The following SLC4A8 variants were observed in gnomAD, a reference collection of about 807,000 sequenced individuals.
SLC4A8 encodes the protein solute carrier family 4 member 8, also known as electroneutral sodium bicarbonate exchanger 1.
In SLC4A8, 40 loss-of-function variants were observed where a neutral mutation model predicts 125.0. The observed-to-expected ratio is 0.32, with a 90% CI of 0.25 to 0.42. The LOEUF (loss-of-function observed/expected upper bound fraction) is 0.42. Among genes scored for constraint, SLC4A8 ranks in the 10% least tolerant of loss-of-function variants. The probability of loss-of-function intolerance (pLI) is 1.00; values close to 1 mark genes in which losing one functional copy is unlikely to be tolerated. For missense variants in SLC4A8, 863 were observed against 1,355.1 expected (o/e 0.64, Z 5.70); for synonymous variants, 456 against 476.0 (o/e 0.96, Z 0.55).
intron 2 of SLC4A8, among the ~76,000 whole-genome samples, chr12:51,449,301 G>T (rs1407704496): frequency 6.6e-6 from 1 of 152,096 alleles, no homozygotes; most frequent in Admixed American, 6.6e-5. Flanking sequence ...AGCTGGGCGT[G>T]GTGGTACACG....
At chr12:51,460,435 A>G (rs1006561470) in intron 8 of SLC4A8, among the ~76,000 whole-genome samples, 4 of 152,178 alleles carry the variant, frequency 2.6e-5, no homozygotes, top group African/African-American at 4.8e-5. Context: ...AAATTGAGGT[A>G]TATTTGATTA....
chr12:51,488,692 C>G lies in SLC4A8; in HGVS notation c.2287-7C>G, dbSNP rs1455712077. ...AAAATACAAAAATAATATATTTTCC[C>G]CCTTAGCCAACAAGGGATGATCGCG... On this transcript the variant is annotated splice_polypyrimidine_tract_variant and splice_region_variant and intron_variant, in intron 17 of 24. Transcript: ENST00000453097. The G allele has an allele frequency of 6.2e-7, 1 of 1,610,986 alleles. No homozygotes were observed. The highest frequency in any genetic ancestry group is 2.2e-5 in the East Asian group (1 of 44,852).
intron 1 of SLC4A8, among the ~76,000 whole-genome samples, chr12:51,413,643 G>C (rs1592148120): frequency 6.6e-6 from 1 of 152,206 alleles, no homozygotes; most frequent in South Asian, 2.1e-4. Flanking sequence ...TGGATAGCCA[G>C]TTTTCCCAGC....
At chr12:51,439,292 G>C (rs1487866212) in intron 1 of SLC4A8, among the ~76,000 whole-genome samples, 1 of 152,150 alleles carries the variant, frequency 6.6e-6, no homozygotes, top group Non-Finnish European at 1.5e-5. Flanking sequence ...CCTGACCTCA[G>C]GTGATCACCT....
Position 51,497,035 on chromosome 12 carries a change from A to G in SLC4A8, c.2992A>G (p.Lys998Glu). 1 of 1,614,006 alleles carries G rather than the reference A, an allele frequency of 6.2e-7. No individual in the cohort carries two copies. Among genetic ancestry groups the G allele is most frequent in the Admixed American group, 1.7e-5 (1 of 60,016 alleles). Residue 998 changes from lysine to glutamate, a missense_variant, in exon 22 of 25, where the codon AAG (lysine) becomes GAG (glutamate). Lys to Glu is a moderately conservative substitution (Grantham distance 56, BLOSUM62 1). Coordinates refer to ENST00000453097, the MANE Select transcript of SLC4A8 (RefSeq NM_001039960.3). ...GAAAGTCATGGATCTCTGTTTCTCT[A>G]AGCGAGAGCTGAGCTGGCTAGATGA... ...VRKVMDLCFS[K>E]RELSWLDDLM... is the part of the protein sequence containing the mutation.
intron 1 of SLC4A8, among the ~76,000 whole-genome samples, chr12:51,411,946 C>G (rs896277691): frequency 1.3e-5 from 2 of 152,128 alleles, no homozygotes; most frequent in East Asian, 3.9e-4. Context: ...CCTGTGGTTC[C>G]AGCTACTCGG....
At position 51,506,004 on chromosome 12, in the gene SLC4A8, G is replaced by A. The variant is rs374948327; in HGVS notation, c.3269+74G>A. Reference sequence around the variant, plus strand: ...AATGGCGATATTGAAGGTAAAATGTGTTTTAGTTGTAAAATGGAATTTGTG... The same window carrying A: ...AATGGCGATATTGAAGGTAAAATGTATTTTAGTTGTAAAATGGAATTTGTG... On this transcript the variant is annotated intron_variant, in intron 24 of 24. Coordinates refer to ENST00000453097, the MANE Select transcript of SLC4A8 (RefSeq NM_001039960.3). 153 of 710,836 alleles carry A rather than the reference G, an allele frequency of 2.2e-4. 1 individual carries two copies. The East Asian group carries it at 2.3e-3, about 11-fold the overall frequency. The allele number at this position is 710,836 out of a possible 1,614,324, so 44.0% of individuals were successfully genotyped here.
chr12:51,432,415 A>AAG (rs1208062254), intron 1 of SLC4A8, among the ~76,000 whole-genome samples: 13 of 141,510 alleles, frequency 9.2e-5, no homozygotes, highest in African/African-American at 3.2e-4. Flanking sequence ...CGCCTCAAAA[A>AAG]AAAAAAAAAA....
chr12:51,436,909 G>A (rs1300977555), intron 1 of SLC4A8, among the ~76,000 whole-genome samples: 1 of 152,186 alleles, frequency 6.6e-6, no homozygotes, highest in East Asian at 1.9e-4. Context: ...TTATAGGCAT[G>A]AGCCACTGCA....
chr12:51,420,848 CTA>C (rs891500115), upstream of SLC4A8, among the ~76,000 whole-genome samples: 7 of 152,192 alleles, frequency 4.6e-5, no homozygotes, highest in African/African-American at 1.7e-4. Context: ...AGCTCACAGT[CTA>C]GTGTCTCCAT....
intron 1 of SLC4A8, among the ~76,000 whole-genome samples, chr12:51,399,971 A>C (rs1592136916): frequency 6.8e-6 from 1 of 146,764 alleles, no homozygotes; most frequent in Non-Finnish European, 1.5e-5. Flanking sequence ...ACAGAGCAAC[A>C]CTTCGTCTCA....
intron 1 of SLC4A8, among the ~76,000 whole-genome samples, chr12:51,412,362 A>G (rs1948611252): frequency 6.6e-6 from 1 of 152,206 alleles, no homozygotes; most frequent in Non-Finnish European, 1.5e-5. Context: ...ACATGCATAC[A>G]GTATGTATTA....
At chr12:51,460,129 C>G in intron 8 of SLC4A8, 21 bp downstream of exon 8, 1 of 1,602,196 alleles carries the variant, frequency 6.2e-7, no homozygotes, top group Middle Eastern at 1.7e-4. Flanking sequence ...AGATAAAACT[C>G]ATGCATTCTA....
At chr12:51,480,741 G>A (rs1489151536) in intron 16 of SLC4A8, 1 of 435,426 alleles carries the variant, frequency 2.3e-6, no homozygotes, top group African/African-American at 2.1e-5. Context: ...GAAGAATCAT[G>A]TTCAAATGAC....
At chr12:51,453,046 CTT>C (rs1330047715) in intron 4 of SLC4A8, among the ~76,000 whole-genome samples, 2 of 152,154 alleles carry the variant, frequency 1.3e-5, no homozygotes, top group African/African-American at 4.8e-5. Context: ...GGCAATTAGT[CTT>C]TTGTTATTCC....
rs544455595 is a variant in SLC4A8, at chr12:51,401,952, G to T, written c.-112+10464G>T. ...GCTAATTTTTCTATTTTTTTTTGTAGAGATGGGATCTCCCTATGTTGCCCA... is the reference window on the plus strand; with the variant it reads ...GCTAATTTTTCTATTTTTTTTTGTATAGATGGGATCTCCCTATGTTGCCCA... On this transcript the variant is annotated intron_variant, in intron 1 of 24. Coordinates refer to the SLC4A8 transcript ENST00000358657. 1.5e-4 allele frequency among the ~76,000 whole-genome samples: 23 copies of T among 149,192 alleles called. No homozygotes were observed. In the South Asian group the frequency reaches 4.7e-3, roughly 30 times the overall value.
At chr12:51,475,836 G>A (rs1950838458) in intron 16 of SLC4A8, among the ~76,000 whole-genome samples, 1 of 152,214 alleles carries the variant, frequency 6.6e-6, no homozygotes, top group East Asian at 1.9e-4. Context: ...AAGGGAACTT[G>A]AGAAGGTGGA....
intron 16 of SLC4A8, chr12:51,480,683 A>G: frequency 1.0e-6 from 1 of 966,966 alleles, no homozygotes; most frequent in Non-Finnish European, 1.2e-6. Flanking sequence ...TTTGGCTCAG[A>G]TTGGGAATTT....
intron 1 of SLC4A8, among the ~76,000 whole-genome samples, chr12:51,440,410 GTTT>G (rs11333373): frequency 2.1e-5 from 3 of 144,764 alleles, no homozygotes; most frequent in Non-Finnish European, 1.5e-5. Context: ...TTCTCTCTCT[GTTT>G]TTTTTTTTTT....
Sources: allele counts gnomAD v4.1 joint callset (sites outside exome capture counted in the v4.1 genomes callset), GRCh38; gene constraint gnomAD v4.1.1; transcripts MANE v1.5; gene names NCBI Gene and HGNC (gene_info 2026-07-23, HGNC 2026-07-21).